NCOA1: variants seen among roughly 807,000 people sequenced by gnomAD.
The protein encoded by NCOA1 is Hin-2 protein.
A neutral mutation model predicts 150.9 loss-of-function variants in NCOA1; 35 were observed. The observed-to-expected ratio is 0.23, with a 90% CI of 0.18 to 0.31. NCOA1 has a LOEUF of 0.31. Among genes scored for constraint, NCOA1 ranks in the 10% least tolerant of loss-of-function variants. The pLI is 1.00. For synonymous variants in NCOA1, 590 were observed against 630.0 expected, an observed-to-expected ratio of 0.94 and a Z score of 0.95; for missense variants, 1,491 against 1,749.3, an observed-to-expected ratio of 0.85 and a Z score of 2.63.
At chr2:24,514,865 G>A (rs1456787402) in intron 1 of NCOA1, among the ~76,000 whole-genome samples, 1 of 152,156 alleles carries the variant, frequency 6.6e-6, no homozygotes, top group Non-Finnish European at 1.5e-5. Context: ...ATAATTTAAT[G>A]CAAAGTAAAT....
At chr2:24,740,516 G>T (rs756996941) in intron 18 of NCOA1, among the ~76,000 whole-genome samples, 5 of 152,148 alleles carry the variant, frequency 3.3e-5, no homozygotes, top group Admixed American at 6.5e-5. Flanking sequence ...GTAAAATACT[G>T]TAGTATTATA....
intron 1 of NCOA1, among the ~76,000 whole-genome samples, chr2:24,528,004 T>A (rs1282482138): frequency 1.3e-5 from 2 of 152,208 alleles, no homozygotes; most frequent in African/African-American, 4.8e-5. Context: ...GCCCATTTTT[T>A]AATTGAGTTA....
intron 14 of NCOA1, among the ~76,000 whole-genome samples, chr2:24,722,124 G>A (rs551894360): frequency 6.6e-6 from 1 of 152,256 alleles, no homozygotes; most frequent in South Asian, 2.1e-4. Context: ...AACACACACA[G>A]ACAAAAACTT....
chr2:24,762,501 TAC>T (rs1336635624), intron 21 of NCOA1, among the ~76,000 whole-genome samples, 184 bp from the exon 22 acceptor site: 3 of 152,196 alleles, frequency 2.0e-5, no homozygotes, highest in Non-Finnish European at 4.4e-5. Flanking sequence ...TTGTGTCCCT[TAC>T]ACACTCACTA....
chr2:24,520,975 CTT>C (rs879901767), intron 1 of NCOA1, among the ~76,000 whole-genome samples: 6 of 145,062 alleles, frequency 4.1e-5, no homozygotes, highest in Admixed American at 1.4e-4. Context: ...TTTGCTTTAG[CTT>C]TTTTTTTTTG....
chr2:24,717,462 C>G (rs754840186), intron 14 of NCOA1, among the ~76,000 whole-genome samples: 1 of 152,152 alleles, frequency 6.6e-6, no homozygotes, highest in Non-Finnish European at 1.5e-5. Context: ...GTCAAAAGAT[C>G]AGGAGTTGCC....
chr2:24,529,507 C>G (rs1034027716), intron 1 of NCOA1, among the ~76,000 whole-genome samples: 1 of 151,980 alleles, frequency 6.6e-6, no homozygotes, highest in South Asian at 2.1e-4. Flanking sequence ...ATTTATTGAT[C>G]GATTGATTTT....
At chr2:24,608,818 CT>C (rs1188474432) in intron 3 of NCOA1, among the ~76,000 whole-genome samples, 1 of 150,048 alleles carries the variant, frequency 6.7e-6, no homozygotes, top group Admixed American at 6.7e-5. Flanking sequence ...GTCTATGACA[CT>C]TTCTGGTTTT....
chr2:24,689,771 T>G (rs1054374083), intron 8 of NCOA1, among the ~76,000 whole-genome samples: 2 of 152,234 alleles, frequency 1.3e-5, no homozygotes, highest in Non-Finnish European at 2.9e-5. Context: ...ATCCATTTAT[T>G]CAGTACATGA....
chr2:24,526,344 T>TC (rs1050147131), intron 1 of NCOA1, among the ~76,000 whole-genome samples: 1 of 152,212 alleles, frequency 6.6e-6, no homozygotes, highest in East Asian at 1.9e-4. Flanking sequence ...AATAAATTTC[T>TC]CCCCCTTACT....
intron 3 of NCOA1, among the ~76,000 whole-genome samples, chr2:24,641,522 T>G (rs958795407): frequency 1.3e-5 from 2 of 152,172 alleles, no homozygotes; most frequent in Non-Finnish European, 2.9e-5. Flanking sequence ...GTTCCTTTAG[T>G]ATTTCTTATA....
intron 19 of NCOA1, among the ~76,000 whole-genome samples, chr2:24,745,254 C>T (rs749413440): frequency 4.6e-5 from 7 of 151,240 alleles, no homozygotes; most frequent in East Asian, 1.9e-4. Context: ...CTCCACCTCC[C>T]GGGTTCACGC....
At chr2:24,621,497 T>C (rs1669161189) in intron 3 of NCOA1, among the ~76,000 whole-genome samples, 7 of 133,354 alleles carry the variant, frequency 5.2e-5, no homozygotes, top group Admixed American at 1.8e-4. Flanking sequence ...GGCTGCAGTT[T>C]CACTCCGTCT....
intron 2 of NCOA1, among the ~76,000 whole-genome samples, chr2:24,575,767 G>A (rs1442702807): frequency 6.6e-6 from 1 of 151,908 alleles, no homozygotes; most frequent in African/African-American, 2.4e-5. Flanking sequence ...TAGAGACGGG[G>A]TTTCACTGTG....
intron 9 of NCOA1, 96 bp from the exon 10 acceptor site, chr2:24,693,156 C>A: frequency 8.2e-7 from 1 of 1,225,758 alleles, no homozygotes; most frequent in Non-Finnish European, 1.2e-6. Context: ...GTCTGGCCAA[C>A]ATGTATTGTT....
At chr2:24,662,922 G>A (rs544687521) in intron 5 of NCOA1, among the ~76,000 whole-genome samples, 3 of 151,738 alleles carry the variant, frequency 2.0e-5, no homozygotes, top group Non-Finnish European at 4.4e-5. Context: ...TGAGTAACTA[G>A]GACTACAGGC....
chr2:24,563,571 A>G (rs766781677), intron 1 of NCOA1, among the ~76,000 whole-genome samples: 1 of 151,790 alleles, frequency 6.6e-6, no homozygotes, highest in Non-Finnish European at 1.5e-5. Context: ...AGGTTGGAGT[A>G]CAGTGGCATG....
At chr2:24,695,786 A>C (rs950822469) in intron 10 of NCOA1, among the ~76,000 whole-genome samples, 1 of 152,114 alleles carries the variant, frequency 6.6e-6, no homozygotes, top group African/African-American at 2.4e-5. Flanking sequence ...TTCTTCACTA[A>C]GATAGTCATT....
intron 1 of NCOA1, among the ~76,000 whole-genome samples, chr2:24,514,382 C>T (rs1664073194): frequency 6.6e-6 from 1 of 150,622 alleles, no homozygotes; most frequent in East Asian, 1.9e-4. Context: ...TGGTAATAGT[C>T]TTCATTACCT....
Sources: gnomAD v4.1 joint callset for allele counts (sites outside exome capture counted in the v4.1 genomes callset) on GRCh38, gnomAD v4.1.1 for gene constraint, MANE v1.5 for transcripts, NCBI Gene and HGNC (gene_info 2026-07-23, HGNC 2026-07-21) for gene names.